The following NEGR1 variants were observed in gnomAD, a reference collection of about 807,000 sequenced individuals.
The protein encoded by NEGR1 is IgLON family member 4.
A neutral mutation model predicts 40.9 loss-of-function variants in NEGR1; 10 were observed. That is an observed-to-expected ratio of 0.24 (90% CI 0.15 to 0.42). NEGR1 has a LOEUF of 0.42. Among genes scored for constraint, NEGR1 ranks in the 10% least tolerant of loss-of-function variants. The pLI is 1.00. For synonymous variants in NEGR1, 185 were observed against 166.8 expected, an observed-to-expected ratio of 1.11 and a Z score of -0.84; for missense variants, 352 against 438.9, an observed-to-expected ratio of 0.80 and a Z score of 1.77.
intron 1 of NEGR1, among the ~76,000 whole-genome samples, chr1:72,036,734 T>C (rs1381428506): frequency 6.6e-6 from 1 of 151,734 alleles, no homozygotes; most frequent in Non-Finnish European, 1.5e-5. Context: ...ACATCTATTA[T>C]ATATTAAGAA....
intron 6 of NEGR1, among the ~76,000 whole-genome samples, chr1:71,475,496 T>G (rs2101363629): frequency 6.6e-6 from 1 of 152,028 alleles, no homozygotes; most frequent in East Asian, 1.9e-4. Context: ...AATATGTAAC[T>G]GTAATTTTTT....
At position 71,400,056 on chromosome 1, in the gene NEGR1, G is replaced by A. The variant is rs2101246927; in HGVS notation, c.*7390C>T. 1 of 152,246 alleles carries A rather than the reference G, an allele frequency of 6.6e-6. No individual in the cohort carries two copies. Among genetic ancestry groups the A allele is most frequent in the Admixed American group, 6.5e-5 (1 of 15,290 alleles). The allele number at this position is 152,246 out of a possible 1,614,324, so 9.4% of individuals were successfully genotyped here. ...TAAGTCTGCTGTGACTTAGTGTAAA[G>A]TTAACTCCTTTTTGAATGTAAAAAG... On this transcript the variant is annotated 3_prime_UTR_variant, in exon 7 of 7. Coordinates refer to ENST00000357731, the MANE Select transcript of NEGR1 (RefSeq NM_173808.3).
intron 5 of NEGR1, among the ~76,000 whole-genome samples, chr1:71,608,184 T>A (rs1650130308): frequency 6.6e-6 from 1 of 152,198 alleles, no homozygotes; most frequent in Non-Finnish European, 1.5e-5. Context: ...GCCTCAAATA[T>A]AACCCTAAAG....
chr1:72,146,165 AATTC>A (rs1475160666), intron 1 of NEGR1, among the ~76,000 whole-genome samples: 3 of 152,172 alleles, frequency 2.0e-5, no homozygotes, highest in Non-Finnish European at 4.4e-5. Flanking sequence ...GAGCCTCTTC[AATTC>A]AAAAGTTAAA....
At chr1:71,752,684 G>A (rs1224584000) in intron 3 of NEGR1, among the ~76,000 whole-genome samples, 2 of 149,394 alleles carry the variant, frequency 1.3e-5, no homozygotes, top group Non-Finnish European at 2.9e-5. Flanking sequence ...TATCTCCCCG[G>A]TCTATAAATC....
At chr1:72,207,074 GAA>G (rs199886981) in intron 1 of NEGR1, among the ~76,000 whole-genome samples, 4 of 109,432 alleles carry the variant, frequency 3.7e-5, no homozygotes, top group Admixed American at 2.0e-4. Context: ...TGTTTAGGAT[GAA>G]AAAAAAAAAA....
intron 1 of NEGR1, among the ~76,000 whole-genome samples, chr1:72,261,418 A>AC (rs777433858): frequency 4.6e-5 from 7 of 152,114 alleles, no homozygotes; most frequent in Non-Finnish European, 8.8e-5. Flanking sequence ...CACTGGTTTA[A>AC]AGAAATACTT....
intron 1 of NEGR1, among the ~76,000 whole-genome samples, chr1:72,172,293 C>A (rs369524728): frequency 6.6e-6 from 1 of 151,980 alleles, no homozygotes; most frequent in East Asian, 1.9e-4. Flanking sequence ...TCATTAGAAC[C>A]AAACACCATT....
chr1:71,443,250 T>C (rs987537039), intron 6 of NEGR1, among the ~76,000 whole-genome samples: 3 of 152,212 alleles, frequency 2.0e-5, no homozygotes, highest in African/African-American at 4.8e-5. Flanking sequence ...GTTCATTCAC[T>C]CTTTAAGTGC....
At chr1:72,077,441 A>C (rs558715156) in intron 1 of NEGR1, among the ~76,000 whole-genome samples, 1 of 152,268 alleles carries the variant, frequency 6.6e-6, no homozygotes, top group East Asian at 1.9e-4. Context: ...TAAGGAAAAT[A>C]AAATCAAACC....
intron 1 of NEGR1, among the ~76,000 whole-genome samples, chr1:72,215,326 C>T (rs779225656): frequency 1.3e-5 from 2 of 152,072 alleles, no homozygotes; most frequent in African/African-American, 2.4e-5. Context: ...ATAACTAAAA[C>T]ACCAAAAGCA....
intron 1 of NEGR1, among the ~76,000 whole-genome samples, chr1:72,063,559 T>A (rs1434715375): frequency 6.6e-6 from 1 of 151,780 alleles, no homozygotes; most frequent in African/African-American, 2.4e-5. Context: ...TTAGAATGAG[T>A]CACTTATTCT....
At chr1:71,658,306 T>C (rs1290864620) in intron 4 of NEGR1, among the ~76,000 whole-genome samples, 1 of 152,246 alleles carries the variant, frequency 6.6e-6, no homozygotes, top group Non-Finnish European at 1.5e-5. Context: ...TATGATTATA[T>C]TCTAAATAAA....
chr1:72,154,566 T>G (rs1651290267), intron 1 of NEGR1, among the ~76,000 whole-genome samples: 1 of 151,986 alleles, frequency 6.6e-6, no homozygotes, highest in African/African-American at 2.4e-5. Context: ...TAGGAAATAT[T>G]TTTAGCTGGT....
Position 72,125,967 on chromosome 1 carries a change from C to T in NEGR1, c.176+156352G>A, listed in dbSNP as rs1020597451. Among the ~76,000 whole-genome samples, 5 of 151,994 alleles carry T rather than the reference C, an allele frequency of 3.3e-5. No individual in the cohort carries two copies. The South Asian group carries it at 1.0e-3, about 32-fold the overall frequency. ...TGGTGTCCCTCAGAGACTGCTTTCC[C>T]AACAAAATAAATAATTCTGGTTTGC... is the stretch of plus-strand genomic sequence containing the variant. On this transcript the variant is annotated intron_variant, in intron 1 of 6. Transcript: ENST00000357731.
At chr1:71,834,975 G>T (rs906713333) in intron 2 of NEGR1, among the ~76,000 whole-genome samples, 1 of 150,534 alleles carries the variant, frequency 6.6e-6, no homozygotes, top group African/African-American at 2.4e-5. Context: ...TTGCTCACAA[G>T]TTTATGGAAC....
chr1:72,235,727 G>A (rs1226151996), intron 1 of NEGR1, among the ~76,000 whole-genome samples: 1 of 151,914 alleles, frequency 6.6e-6, no homozygotes, highest in Non-Finnish European at 1.5e-5. Flanking sequence ...TTGTTAATAG[G>A]AAGCCATTCT....
intron 6 of NEGR1, among the ~76,000 whole-genome samples, chr1:71,502,145 A>C (rs1048055344): frequency 6.6e-6 from 1 of 152,202 alleles, no homozygotes; most frequent in Non-Finnish European, 1.5e-5. Context: ...CAAACGTAAC[A>C]AACTGCATTG....
At chr1:71,586,361 G>T (rs1649305959) in intron 6 of NEGR1, among the ~76,000 whole-genome samples, 1 of 152,154 alleles carries the variant, frequency 6.6e-6, no homozygotes. Context: ...TATGTAATGT[G>T]ATGGGTAGGA....
Sources: gnomAD v4.1 joint callset for allele counts (sites outside exome capture counted in the v4.1 genomes callset) on GRCh38, gnomAD v4.1.1 for gene constraint, MANE v1.5 for transcripts, NCBI Gene and HGNC (gene_info 2026-07-23, HGNC 2026-07-21) for gene names.